VPS41: variants seen among roughly 807,000 people sequenced by gnomAD.
VPS41 encodes the protein VPS41 subunit of HOPS complex, also known as vacuolar protein sorting-associated protein 41 homolog.
A neutral mutation model predicts 130.9 loss-of-function variants in VPS41; 85 were observed. That is an observed-to-expected ratio of 0.65 (90% CI 0.55 to 0.78). VPS41 has a LOEUF of 0.78. Among genes scored for constraint, VPS41 ranks in the 30% least tolerant of loss-of-function variants. VPS41 has a pLI of 0.00. For synonymous variants in VPS41, 335 were observed against 332.9 expected, an observed-to-expected ratio of 1.01 and a Z score of -0.07; for missense variants, 874 against 1,018.7, an observed-to-expected ratio of 0.86 and a Z score of 1.93.
At chr7:38,804,216 G>A (rs1313062735) in intron 7 of VPS41, among the ~76,000 whole-genome samples, 1 of 151,942 alleles carries the variant, frequency 6.6e-6, no homozygotes, top group African/African-American at 2.4e-5. Flanking sequence ...GGGTTTATGT[G>A]CAGGTTTGTT....
chr7:38,849,871 G>A (rs773529016), intron 4 of VPS41, among the ~76,000 whole-genome samples: 4 of 152,020 alleles, frequency 2.6e-5, no homozygotes, highest in Non-Finnish European at 4.4e-5. Flanking sequence ...CAGGGGTGGA[G>A]CCCTAGCCAG....
chr7:38,760,804 C>T (rs542904222), intron 17 of VPS41, among the ~76,000 whole-genome samples: 1 of 152,158 alleles, frequency 6.6e-6, no homozygotes, highest in East Asian at 1.9e-4. Flanking sequence ...TCCATTAATA[C>T]TTTAATGAAC....
rs574231570 is a variant in VPS41 at position 38,822,797 on chromosome 7, T to C, written c.322-1532A>G. On this transcript the variant is annotated intron_variant, in intron 5 of 28. Coordinates refer to ENST00000310301, the MANE Select transcript of VPS41 (RefSeq NM_014396.4). ...AATTATGCTCTCACCATGAGAAAGT[T>C]TGAATGTTTGTGTTCCCCCAAATTC... Among the ~76,000 whole-genome samples, 12 of 152,336 alleles carry C rather than the reference T, an allele frequency of 7.9e-5. No individual in the cohort carries two copies. In the East Asian group the frequency reaches 1.5e-3, roughly 20 times the overall value.
chr7:38,772,657 G>C lies in VPS41; in HGVS notation c.1013-20C>G. 3 of 1,552,306 alleles carry C rather than the reference G, an allele frequency of 1.9e-6. No individual in the cohort carries two copies. The South Asian group carries it at 3.4e-5, about 18-fold the overall frequency. ...AGTATTCTGTAGGTGAGAAAAGAGAGGAACGACTTGGTGACTGAACAGCAG... is the reference window on the plus strand; with the variant it reads ...AGTATTCTGTAGGTGAGAAAAGAGACGAACGACTTGGTGACTGAACAGCAG... On this transcript the variant is annotated intron_variant, in intron 12 of 28. Coordinates refer to ENST00000310301, the MANE Select transcript of VPS41 (RefSeq NM_014396.4).
At chr7:38,780,199 T>G (rs1488453889) in intron 10 of VPS41, among the ~76,000 whole-genome samples, 3 of 151,224 alleles carry the variant, frequency 2.0e-5, no homozygotes, top group African/African-American at 7.3e-5. Flanking sequence ...TTTTTTTTTT[T>G]TGGAGTGAAA....
intron 24 of VPS41, among the ~76,000 whole-genome samples, chr7:38,742,406 C>T (rs1445091909): frequency 6.6e-6 from 1 of 152,082 alleles, no homozygotes; most frequent in Non-Finnish European, 1.5e-5. Context: ...CAGTTTTTAG[C>T]ATCAAATGGG....
At chr7:38,803,146 T>C (rs1363133869) in intron 7 of VPS41, among the ~76,000 whole-genome samples, 1 of 152,168 alleles carries the variant, frequency 6.6e-6, no homozygotes, top group Non-Finnish European at 1.5e-5. Flanking sequence ...TACAGAGTGG[T>C]ATAAGGACAT....
Position 38,832,291 on chromosome 7 carries a change from T to A in VPS41, c.247-1963A>T, listed in dbSNP as rs1027963340. Among the ~76,000 whole-genome samples the A allele has an allele frequency of 1.5e-4, 23 of 151,314 alleles. 1 individual carries two copies. Among genetic ancestry groups the A allele is most frequent in the African/African-American group, 5.3e-4 (22 of 41,308 alleles). On this transcript the variant is annotated intron_variant, in intron 4 of 28. Transcript: ENST00000310301. ...CTTTATTTCTTATATTTAAGTCTTT[T>A]ACATTTCAGAATTCATTTTCTTTCT...
chr7:38,838,852 G>A (rs965542045), intron 4 of VPS41, among the ~76,000 whole-genome samples: 1 of 152,068 alleles, frequency 6.6e-6, no homozygotes, highest in African/African-American at 2.4e-5. Context: ...CGGTCATTTC[G>A]AAAGCTGCTT....
intron 7 of VPS41, among the ~76,000 whole-genome samples, chr7:38,800,663 G>A (rs906795549): frequency 1.3e-5 from 2 of 151,962 alleles, no homozygotes; most frequent in South Asian, 2.1e-4. Context: ...GTGAAACCCC[G>A]TCTCTACTAA....
At chr7:38,879,880 T>C (rs1042435689) in intron 2 of VPS41, among the ~76,000 whole-genome samples, 4 of 108,064 alleles carry the variant, frequency 3.7e-5, no homozygotes, top group African/African-American at 1.5e-4. Context: ...AGGTCACTAA[T>C]GTCATTTCTT....
rs755957879 is a variant in VPS41, at chr7:38,724,150, A to C, written c.*2096T>G. ...CTGTTTAATTATTTTCTCCTTTTCT[A>C]TAAGTAGGATTTTCTTTATGTCCAA... On this transcript the variant is annotated 3_prime_UTR_variant, in exon 29 of 29. Transcript: ENST00000310301. 6 of 152,202 alleles carry C rather than the reference A, an allele frequency of 3.9e-5. No homozygotes were observed. The highest frequency in any genetic ancestry group is 7.3e-5 in the Non-Finnish European group (5 of 68,028). 9.4% of individuals were successfully genotyped at this position (152,202 alleles called of 1,614,324 possible). A position where few individuals can be genotyped will look rare whatever the true frequency, so the allele number is the denominator to read the frequency against.
intron 1 of VPS41, among the ~76,000 whole-genome samples, chr7:38,901,330 G>A (rs1315925691): frequency 6.6e-6 from 1 of 152,112 alleles, no homozygotes; most frequent in Non-Finnish European, 1.5e-5. Flanking sequence ...TAACTAAGGC[G>A]GGTTAATTTA....
intron 2 of VPS41, among the ~76,000 whole-genome samples, chr7:38,880,715 C>T (rs916673187): frequency 6.6e-6 from 1 of 152,158 alleles, no homozygotes. Flanking sequence ...AACGGCTGCA[C>T]TGAAACTGAA....
intron 2 of VPS41, among the ~76,000 whole-genome samples, chr7:38,895,288 C>A (rs1786957901): frequency 6.6e-6 from 1 of 151,888 alleles, no homozygotes; most frequent in Non-Finnish European, 1.5e-5. Flanking sequence ...TGCCACTGCA[C>A]TCCAGTCTTG....
chr7:38,872,858 C>G (rs1786401267), intron 2 of VPS41, among the ~76,000 whole-genome samples: 1 of 152,140 alleles, frequency 6.6e-6, no homozygotes, highest in Non-Finnish European at 1.5e-5. Flanking sequence ...TTAAATGTAG[C>G]ACAGATGATG....
chr7:38,733,949 A>T (rs4723783), intron 25 of VPS41, among the ~76,000 whole-genome samples: 54,748 of 152,000 alleles, frequency 0.36, 10,431 homozygotes, highest in Admixed American at 0.56. Context: ...AGCCAGGCAT[A>T]GTGGCGCATG....
At chr7:38,782,054 T>G (rs1784363969) in intron 10 of VPS41, among the ~76,000 whole-genome samples, 1 of 152,344 alleles carries the variant, frequency 6.6e-6, no homozygotes, top group Non-Finnish European at 1.5e-5. Context: ...TATGGCAGAT[T>G]GCTTTCTGAG....
At chr7:38,815,967 T>G (rs1359304266) in intron 7 of VPS41, among the ~76,000 whole-genome samples, 2 of 152,044 alleles carry the variant, frequency 1.3e-5, no homozygotes, top group African/African-American at 4.8e-5. Flanking sequence ...CACACACATC[T>G]ATCCTATTAA....
Sources: gnomAD v4.1 joint callset for allele counts (sites outside exome capture counted in the v4.1 genomes callset) on GRCh38, gnomAD v4.1.1 for gene constraint, MANE v1.5 for transcripts, NCBI Gene and HGNC (gene_info 2026-07-23, HGNC 2026-07-21) for gene names.